The following KIF23 variants were observed in gnomAD, a reference collection of about 807,000 sequenced individuals.
KIF23 encodes the protein kinesin-like protein KIF23.
In KIF23, 30 loss-of-function variants were observed where a neutral mutation model predicts 137.5. That is an observed-to-expected ratio of 0.22 (90% CI 0.16 to 0.30). The LOEUF (loss-of-function observed/expected upper bound fraction) is 0.30, where lower values mean the gene tolerates loss of function less well. Ranked by LOEUF, KIF23 falls within the 10% of genes least tolerant of loss-of-function variation. The pLI, the probability that KIF23 is intolerant of heterozygous loss-of-function variation, is 1.00. For synonymous variants in KIF23, 367 were observed against 391.1 expected, an observed-to-expected ratio of 0.94 and a Z score of 0.73; for missense variants, 920 against 1,194.3, an observed-to-expected ratio of 0.77 and a Z score of 3.38.
chr15:69,415,968 A>AT, intron 1 of KIF23, 26 bp from the exon 2 acceptor site: 6 of 1,511,462 alleles, frequency 4.0e-6, no homozygotes, highest in Non-Finnish European at 5.3e-6. Context: ...AAAAAAAGTT[A>AT]TTATTATTTT....
chr15:69,426,555 T>A, intron 10 of KIF23, 98 bp downstream of exon 10: 1 of 1,358,474 alleles, frequency 7.4e-7, no homozygotes, highest in Non-Finnish European at 1.0e-6. Context: ...CTGTCTCGAG[T>A]AAAATTGGAA....
At chr15:69,438,467 G>C in intron 16 of KIF23, 62 bp downstream of exon 16, 1 of 1,461,024 alleles carries the variant, frequency 6.8e-7, no homozygotes, top group Non-Finnish European at 9.2e-7. Context: ...TTCTCTGAGG[G>C]AGATATTGTG....
chr15:69,428,046 C>T (rs547659108), intron 10 of KIF23, among the ~76,000 whole-genome samples: 4 of 152,028 alleles, frequency 2.6e-5, no homozygotes, highest in South Asian at 2.1e-4. Flanking sequence ...ATCATGAGGT[C>T]GGGAGATTGA....
chr15:69,434,789 C>T, intron 11 of KIF23: 1 of 1,058,020 alleles, frequency 9.5e-7, no homozygotes, highest in Non-Finnish European at 1.4e-6. Flanking sequence ...GAGTCCAAGG[C>T]AGCCCCTTCT....
intron 15 of KIF23, among the ~76,000 whole-genome samples, chr15:69,436,931 T>C (rs543222356): frequency 4.6e-5 from 7 of 152,248 alleles, no homozygotes; most frequent in Non-Finnish European, 1.0e-4. Context: ...ATTTTTGTAC[T>C]GTTAGTAGAG....
Position 69,446,060 on chromosome 15 carries a change from A to G in KIF23, c.2725A>G (p.Ile909Val). The G allele has an allele frequency of 6.2e-7, 1 of 1,613,848 alleles. No individual in the cohort carries two copies. Among genetic ancestry groups the G allele is most frequent in the East Asian group, 2.2e-5 (1 of 44,858 alleles). Residue 909 changes from isoleucine (I) to valine (V), a missense_variant, in exon 21 of 24, where the codon ATT becomes GTT. By Grantham distance (29) the Ile-to-Val change is conservative. Transcript: ENST00000679126. The stretch of plus-strand genomic sequence containing the variant: ...TGGACAATCTGTTCAGTTTACTGAT[A>G]TTGAGACTTTAAAGCAAGAATCACC... ...GGGQSVQFTD[I>V]ETLKQESPNG...
At position 69,414,562 on chromosome 15, in the gene KIF23, C is replaced by A. The variant is rs916729053; in HGVS notation, c.11+86C>A. On this transcript the variant is annotated intron_variant, in intron 1 of 23. Transcript: ENST00000679126. ...GGGGCAGGCGTCTCCACTCAGGCCG[C>A]GGCCGTACGCGGGCAGCGCGGACAG... is the stretch of plus-strand genomic sequence containing the variant. The A allele has an allele frequency of 5.2e-6, 7 of 1,344,580 alleles. No individual in the cohort carries two copies. In the African/African-American group the frequency reaches 1.1e-4, roughly 21 times the overall value. 83.3% of individuals were successfully genotyped at this position (1,344,580 alleles called of 1,614,324 possible).
Position 69,439,960 on chromosome 15 carries a change from A to T in KIF23, c.1812A>T (p.Gln604His), listed in dbSNP as rs574843758. ...ATGAGGAAGATAAACGCAATTTGCAACAGGAACTTGAAACTCAGAACCAGA... is the reference window on the plus strand; with the variant it reads ...ATGAGGAAGATAAACGCAATTTGCATCAGGAACTTGAAACTCAGAACCAGA... ...TIYEEDKRNL[Q>H]QELETQNQKL... Residue 604 changes from glutamine (Q) to histidine (H), a missense_variant, in exon 17 of 24, where the codon CAA becomes CAT. Gln to His is a conservative substitution (Grantham distance 24). Transcript: ENST00000679126. 30 of 1,614,026 alleles carry T rather than the reference A, an allele frequency of 1.9e-5. No homozygotes were observed. Among genetic ancestry groups the T allele is most frequent in the Non-Finnish European group, 2.4e-5 (28 of 1,180,016 alleles).
intron 11 of KIF23, among the ~76,000 whole-genome samples, chr15:69,433,137 C>T (rs2057395547): frequency 6.6e-6 from 1 of 152,026 alleles, no homozygotes; most frequent in South Asian, 2.1e-4. Flanking sequence ...TTCCTGAGAG[C>T]ACAGTGGAAG....
At chr15:69,441,133 T>G (rs2057610126) in intron 19 of KIF23, 54 bp downstream of exon 19, 1 of 1,460,132 alleles carries the variant, frequency 6.8e-7, no homozygotes, top group Admixed American at 2.3e-5. Flanking sequence ...ATCTTCTTTG[T>G]TTTTTGTAAC....
chr15:69,440,937 C>A lies in KIF23; in HGVS notation c.2279C>A (p.Ala760Glu). The change falls in exon 19 of 24, where the codon GCA becomes GAA. Residue 760 changes from alanine to glutamate, a missense_variant. This residue lies in a region of KIF23 where 714 missense variants were observed against 866.2 expected (regional missense o/e 0.82). Transcript: ENST00000679126. ...ACACCTCTCAAAGTCACATCTATTGCAAGGCGTAGGCAGCAGGAGCCAGGA... is the reference window on the plus strand; with the variant it reads ...ACACCTCTCAAAGTCACATCTATTGAAAGGCGTAGGCAGCAGGAGCCAGGA... The part of the protein sequence containing the change: ...YNTPLKVTSI[A>E]RRRQQEPGQS... The A allele has an allele frequency of 6.2e-7, 1 of 1,614,188 alleles. No individual in the cohort carries two copies. Among genetic ancestry groups the A allele is most frequent in the Non-Finnish European group, 8.5e-7 (1 of 1,180,036 alleles).
rs373320303 is a variant in KIF23 at position 69,445,990 on chromosome 15, C to T, written c.2674-19C>T. 2.5e-6 allele frequency: 4 copies of T among 1,579,762 alleles called. No homozygotes were observed. Among genetic ancestry groups the T allele is most frequent in the Non-Finnish European group, 3.5e-6 (4 of 1,149,764 alleles). On this transcript the variant is annotated intron_variant, in intron 20 of 23. Transcript: ENST00000679126. ...TGGGTGTATCAATGTGTAACAGTGACCTTTTCTTTTGGCTTTAGGGTGATA... is the reference window on the plus strand; with the variant it reads ...TGGGTGTATCAATGTGTAACAGTGATCTTTTCTTTTGGCTTTAGGGTGATA...
At chr15:69,447,396 T>A (rs1424036309) in intron 23 of KIF23, among the ~76,000 whole-genome samples, 1 of 152,204 alleles carries the variant, frequency 6.6e-6, no homozygotes, top group East Asian at 1.9e-4. Context: ...GAAGGAATCA[T>A]ACCTTTTCTT....
chr15:69,414,526 C>A, intron 1 of KIF23, 50 bp downstream of exon 1: 8 of 1,492,074 alleles, frequency 5.4e-6, no homozygotes, highest in Non-Finnish European at 7.1e-6. Flanking sequence ...GGGGCCGAGG[C>A]CTCGGGGCTG....
intron 3 of KIF23, 117 bp downstream of exon 3, chr15:69,417,628 A>G: frequency 9.0e-7 from 1 of 1,110,004 alleles, no homozygotes; most frequent in Non-Finnish European, 1.3e-6. Flanking sequence ...AGACTTATTT[A>G]CTTCATTATA....
rs1297841709 is a variant in KIF23, at chr15:69,418,169, C to G, written c.210+658C>G. On this transcript the variant is annotated intron_variant, in intron 3 of 23. Transcript: ENST00000679126. ...CTAGCTGTCACTCACTCTTTTGTGC[C>G]TACTATTCCTGTGAAATTGCTCTTC... 3.9e-5 allele frequency among the ~76,000 whole-genome samples: 6 copies of G among 152,282 alleles called. No individual in the cohort carries two copies. The South Asian group carries it at 8.3e-4, about 21-fold the overall frequency.
chr15:69,442,653 T>C (rs2057648716), intron 19 of KIF23, among the ~76,000 whole-genome samples: 1 of 152,238 alleles, frequency 6.6e-6, no homozygotes, highest in Non-Finnish European at 1.5e-5. Context: ...ATTAGGTAAA[T>C]GGTCATTCTG....
At chr15:69,414,601 G>A (rs2056842021) in intron 1 of KIF23, 125 bp downstream of exon 1, 2 of 1,107,566 alleles carry the variant, frequency 1.8e-6, no homozygotes, top group Non-Finnish European at 2.4e-6. Context: ...CCCGCCCGGT[G>A]CTGCTGCGGC....
chr15:69,438,248 C>G lies in KIF23; in HGVS notation c.1598C>G (p.Ser533Cys). Residue 533 changes from serine (S) to cysteine (C), a missense_variant and splice_region_variant, in exon 16 of 24, where the codon TCT becomes TGT. Ser to Cys is a moderately radical substitution (Grantham distance 112). This residue lies in a region of KIF23 where 714 missense variants were observed against 866.2 expected (regional missense o/e 0.82). Coordinates refer to ENST00000679126, the MANE Select transcript of KIF23 (RefSeq NM_001367805.3). ...QMMIDEFNKQSNAFKALLQEF... is the reference protein window; with the variant it reads ...QMMIDEFNKQCNAFKALLQEF... The stretch of plus-strand genomic sequence containing the variant: ...CTTGACCTGTATGTTTTTGTTTCAG[C>G]TAATGCTTTTAAAGCTTTGTTACAA... 1.3e-6 allele frequency: 2 copies of G among 1,594,934 alleles called. No individual in the cohort carries two copies. The highest frequency in any genetic ancestry group is 1.4e-5 in the African/African-American group (1 of 73,652).
Sources: gnomAD v4.1 joint callset for allele counts (sites outside exome capture counted in the v4.1 genomes callset) on GRCh38, gnomAD v4.1.1 for gene constraint, gnomAD v4.1.1 regional missense constraint, MANE v1.5 for transcripts, NCBI Gene and HGNC (gene_info 2026-07-23, HGNC 2026-07-21) for gene names.